Variants in EAPP observed in about 807,000 individuals in gnomAD.
EAPP encodes E2F associated phosphoprotein, also known as E2F-associated phosphoprotein.
A neutral mutation model predicts 34.3 loss-of-function variants in EAPP; 38 were observed. The ratio of observed to expected loss-of-function variants is 1.11; its 90% CI spans 0.85 to 1.45. EAPP has a LOEUF of 1.45. Ranked by LOEUF, EAPP falls within the 40% of genes most tolerant of loss-of-function variation. EAPP has a pLI of 0.00. For missense variants in EAPP, 338 were observed against 343.7 expected (o/e 0.98, Z 0.13); for synonymous variants, 113 against 117.6 (o/e 0.96, Z 0.25).
At chr14:34,517,091 CCA>C (rs1879760434) in intron 5 of EAPP, among the ~76,000 whole-genome samples, 1 of 151,804 alleles carries the variant, frequency 6.6e-6, no homozygotes, top group Non-Finnish European at 1.5e-5. Context: ...GCGCCCGCCA[CCA>C]TGCCTGGCTA....
rs111420332 is a variant in EAPP at position 34,524,653 on chromosome 14, A to ATGTGTGTGTGTGTGTGTG, written c.581+43_581+44insCACACACACACACACACA. The ATGTGTGTGTGTGTGTGTG allele has an allele frequency of 4.6e-4, 400 of 875,862 alleles. 3 individuals are homozygous for ATGTGTGTGTGTGTGTGTG. Among genetic ancestry groups the ATGTGTGTGTGTGTGTGTG allele is most frequent in the Admixed American group, 6.8e-4 (26 of 37,998 alleles). The allele number at this position is 875,862 out of a possible 1,614,324, so 54.3% of individuals were successfully genotyped here. On this transcript the variant is annotated intron_variant, in intron 5 of 5. Transcript: ENST00000250454. Reference sequence around the variant, plus strand: ...AGTCTGTTTCTAATTTAAACAAAATATGTATGTGTGTGTGTGTGTGTGTGT... The same window carrying ATGTGTGTGTGTGTGTGTG: ...AGTCTGTTTCTAATTTAAACAAAATATGTGTGTGTGTGTGTGTGTGTATGTGTGTGTGTGTGTGTGTGT...
chr14:34,530,595 T>G (rs923541496), intron 3 of EAPP, among the ~76,000 whole-genome samples: 1 of 151,766 alleles, frequency 6.6e-6, no homozygotes, highest in African/African-American at 2.4e-5. Context: ...GGCATTAAAA[T>G]GACAGAGGAG....
intron 4 of EAPP, among the ~76,000 whole-genome samples, chr14:34,527,276 TG>T (rs1880127762): frequency 6.6e-6 from 1 of 151,926 alleles, no homozygotes; most frequent in Non-Finnish European, 1.5e-5. Context: ...AAGATCACCT[TG>T]GGCAACACAG....
intron 3 of EAPP, among the ~76,000 whole-genome samples, chr14:34,533,221 G>A (rs1037131424): frequency 2.6e-5 from 4 of 151,726 alleles, no homozygotes; most frequent in African/African-American, 7.3e-5. Flanking sequence ...TTTTAGTACA[G>A]ATGGGGTTTC....
At chr14:34,519,703 T>A (rs1419549050) in intron 5 of EAPP, among the ~76,000 whole-genome samples, 2 of 152,116 alleles carry the variant, frequency 1.3e-5, no homozygotes, top group African/African-American at 4.8e-5. Flanking sequence ...CTGCTTTTTT[T>A]CTGGTTGTTT....
At chr14:34,529,606 G>A (rs560799760) in intron 3 of EAPP, 131 bp from the exon 4 acceptor site, 73 of 694,122 alleles carry the variant, frequency 1.1e-4, no homozygotes, top group South Asian at 3.7e-4. Context: ...AGGGACGGGC[G>A]CAGTGGCTCA....
intron 5 of EAPP, among the ~76,000 whole-genome samples, chr14:34,519,292 TG>T (rs937694652): frequency 2.0e-5 from 3 of 152,168 alleles, no homozygotes; most frequent in African/African-American, 7.2e-5. Context: ...CCCAGCACTT[TG>T]GGAGGTCAAG....
At chr14:34,539,210 T>C (rs1880574404) in intron 1 of EAPP, 1 of 463,006 alleles carries the variant, frequency 2.2e-6, no homozygotes, top group Non-Finnish European at 4.1e-6. Flanking sequence ...AATTATGTTA[T>C]TATAGTTCAA....
rs1402023960 is a variant in EAPP, at chr14:34,516,545, A to G, written c.623T>C (p.Met208Thr). ...CTCCTCTTTGTTAATAGAACAATTC[A>G]TTACAAACATTGCTCTATATTGAGT... ...YKTQYRAMFV[M>T]NCSINKEEVL... The change falls in exon 6 of 6, where the codon ATG becomes ACG. Residue 208 changes from methionine to threonine, a missense_variant. Transcript: ENST00000250454. The G allele has an allele frequency of 1.9e-6, 3 of 1,613,870 alleles. No homozygotes were observed. The South Asian group carries it at 3.3e-5, about 18-fold the overall frequency.
chr14:34,529,573 T>C, intron 3 of EAPP, 98 bp from the exon 4 acceptor site: 4 of 983,416 alleles, frequency 4.1e-6, no homozygotes, highest in Admixed American at 2.4e-5. Context: ...CATTTATTTA[T>C]ATTTTCCCTA....
chr14:34,525,951 C>T (rs554692464), intron 4 of EAPP, among the ~76,000 whole-genome samples: 222 of 151,728 alleles, frequency 1.5e-3, no homozygotes, highest in Non-Finnish European at 2.5e-3. Context: ...ACCCAGGAGA[C>T]GGAGCTTGCA....
At chr14:34,534,320 G>C (rs1237319129) in intron 2 of EAPP, among the ~76,000 whole-genome samples, 1 of 152,078 alleles carries the variant, frequency 6.6e-6, no homozygotes. Context: ...TTTTAGTAGA[G>C]ACAGGGTTTC....
chr14:34,525,813 A>C (rs1228425242), intron 4 of EAPP, among the ~76,000 whole-genome samples: 2 of 150,746 alleles, frequency 1.3e-5, no homozygotes, highest in Non-Finnish European at 1.5e-5. Context: ...AAGTCAAGAG[A>C]TCAAGACCAT....
At chr14:34,524,943 C>G in intron 4 of EAPP, 136 bp from the exon 5 acceptor site, 1 of 638,902 alleles carries the variant, frequency 1.6e-6, no homozygotes. Flanking sequence ...CAAGATGAAC[C>G]TGGAGCATCT....
At chr14:34,516,692 A>G (rs1049617902) in intron 5 of EAPP, 106 bp from the exon 6 acceptor site, 3 of 1,128,402 alleles carry the variant, frequency 2.7e-6, no homozygotes, top group African/African-American at 1.6e-5. Flanking sequence ...ATACCAACCA[A>G]AGACAAGACA....
chr14:34,523,381 G>T (rs186378829), intron 5 of EAPP, among the ~76,000 whole-genome samples: 3,048 of 151,954 alleles, frequency 0.02, 98 homozygotes, highest in African/African-American at 0.069. Context: ...GGGACTACAG[G>T]CGCCCGCCAC....
chr14:34,517,543 C>T (rs972119360), intron 5 of EAPP, among the ~76,000 whole-genome samples: 2 of 152,140 alleles, frequency 1.3e-5, no homozygotes, highest in African/African-American at 2.4e-5. Context: ...GCCACCGTGC[C>T]TAGCCTGATT....
At chr14:34,537,924 C>G (rs758939297) in intron 1 of EAPP, among the ~76,000 whole-genome samples, 27 of 152,158 alleles carry the variant, frequency 1.8e-4, no homozygotes, top group African/African-American at 4.8e-4. Flanking sequence ...TGACAGACAC[C>G]TCTCTAACAC....
At chr14:34,534,451 A>T (rs993349224) in intron 2 of EAPP, among the ~76,000 whole-genome samples, 1 of 152,158 alleles carries the variant, frequency 6.6e-6, no homozygotes, top group Non-Finnish European at 1.5e-5. Flanking sequence ...TACTTTCACA[A>T]ACCAGTTTTC....
Sources: gnomAD v4.1 joint callset for allele counts (sites outside exome capture counted in the v4.1 genomes callset) on GRCh38, gnomAD v4.1.1 for gene constraint, MANE v1.5 for transcripts, NCBI Gene and HGNC (gene_info 2026-07-23, HGNC 2026-07-21) for gene names.